NCAM2: variants seen among roughly 807,000 people sequenced by gnomAD.
NCAM2 encodes the protein N-CAM-2.
Under a neutral mutation model 98.1 loss-of-function variants are expected in NCAM2, and 30 were observed. The ratio of observed to expected loss-of-function variants is 0.31; its 90% CI spans 0.23 to 0.41. NCAM2 has a LOEUF of 0.41. NCAM2 is among the 10% of genes least tolerant of loss of function. The pLI is 1.00. For missense variants in NCAM2, 867 were observed against 1,005.8 expected, an observed-to-expected ratio of 0.86 and a Z score of 1.87; for synonymous variants, 368 against 342.4, an observed-to-expected ratio of 1.07 and a Z score of -0.83.
rs5842919 is a variant in NCAM2, at chr21:21,371,865, G to GCA, written c.1045-1972_1045-1971dup. 7.5e-3 allele frequency among the ~76,000 whole-genome samples: 1,106 copies of GCA among 148,448 alleles called. 3 individuals carry two copies. The highest frequency in any genetic ancestry group is 0.011 in the African/African-American group (440 of 40,730). ...TGCTTATTGTAAAATAAATGCGCGT[G>GCA]CACACACACACACACACACACACAC... On this transcript the variant is annotated intron_variant, in intron 8 of 17. Coordinates refer to ENST00000400546, the MANE Select transcript of NCAM2 (RefSeq NM_004540.5).
At chr21:21,264,380 C>A (rs1399422370) in intron 1 of NCAM2, among the ~76,000 whole-genome samples, 1 of 152,014 alleles carries the variant, frequency 6.6e-6, no homozygotes, top group African/African-American at 2.4e-5. Context: ...AAAGGAAACA[C>A]TTATACATCA....
intron 12 of NCAM2, among the ~76,000 whole-genome samples, chr21:21,432,487 G>C (rs1010734968): frequency 6.6e-6 from 1 of 151,088 alleles, no homozygotes; most frequent in African/African-American, 2.4e-5. Context: ...AAAGAGCTTA[G>C]TAGAATCAGC....
At chr21:21,457,038 G>C (rs927190650) in intron 12 of NCAM2, among the ~76,000 whole-genome samples, 4 of 152,184 alleles carry the variant, frequency 2.6e-5, no homozygotes, top group Non-Finnish European at 5.9e-5. Context: ...AAGTAGAGGT[G>C]CTGCTCTAAC....
chr21:21,426,760 C>T (rs1158814648), intron 11 of NCAM2, among the ~76,000 whole-genome samples: 1 of 152,174 alleles, frequency 6.6e-6, no homozygotes, highest in East Asian at 1.9e-4. Flanking sequence ...ACATTCACAC[C>T]CCTCCAGCAT....
intron 1 of NCAM2, among the ~76,000 whole-genome samples, chr21:21,180,441 C>T (rs1367732081): frequency 6.6e-6 from 1 of 152,048 alleles, no homozygotes; most frequent in Non-Finnish European, 1.5e-5. Flanking sequence ...ATTGTTTCCT[C>T]ACTTTGTTAA....
intron 1 of NCAM2, among the ~76,000 whole-genome samples, chr21:21,089,134 A>T (rs1416205635): frequency 6.6e-6 from 1 of 152,086 alleles, no homozygotes. Context: ...CCATACTTCC[A>T]CTGAATACAA....
intron 1 of NCAM2, among the ~76,000 whole-genome samples, chr21:21,142,240 C>G (rs1303149583): frequency 6.6e-6 from 1 of 152,018 alleles, no homozygotes; most frequent in Non-Finnish European, 1.5e-5. Context: ...TAGAGTATAT[C>G]TTGCTGTAAA....
chr21:21,096,987 C>A (rs1248916688), intron 1 of NCAM2, among the ~76,000 whole-genome samples: 1 of 151,724 alleles, frequency 6.6e-6, no homozygotes, highest in Non-Finnish European at 1.5e-5. Context: ...GTTATTTCTT[C>A]CATAACTCCA....
intron 8 of NCAM2, among the ~76,000 whole-genome samples, chr21:21,347,062 A>T (rs963100066): frequency 3.9e-5 from 6 of 152,032 alleles, no homozygotes; most frequent in African/African-American, 1.4e-4. Context: ...TAAAAAATAC[A>T]AAAGGCCAAT....
At chr21:21,109,020 T>C (rs1010588780) in intron 1 of NCAM2, among the ~76,000 whole-genome samples, 1 of 152,266 alleles carries the variant, frequency 6.6e-6, no homozygotes, top group Non-Finnish European at 1.5e-5. Flanking sequence ...CCTTCTGATG[T>C]CTAACTAATT....
chr21:21,210,967 A>AC (rs2069633407), intron 1 of NCAM2, among the ~76,000 whole-genome samples: 1 of 127,336 alleles, frequency 7.9e-6, no homozygotes, highest in South Asian at 2.8e-4. Flanking sequence ...ACTCTCCCCA[A>AC]ACACACACAC....
At chr21:21,434,645 C>T (rs1326157581) in intron 12 of NCAM2, among the ~76,000 whole-genome samples, 1 of 152,052 alleles carries the variant, frequency 6.6e-6, no homozygotes, top group Non-Finnish European at 1.5e-5. Context: ...TTGGCAGACA[C>T]TGTAGATATA....
Position 21,541,813 on chromosome 21 carries a change from C to T in NCAM2, c.*3856C>T, listed in dbSNP as rs1990243618. 1 of 151,474 alleles carries T rather than the reference C, an allele frequency of 6.6e-6. No homozygotes were observed. The highest frequency in any genetic ancestry group is 2.1e-4 in the South Asian group (1 of 4,814). 9.4% of individuals were successfully genotyped at this position (151,474 alleles called of 1,614,324 possible). A position where few individuals can be genotyped will look rare whatever the true frequency, so the allele number is the denominator to read the frequency against. ...ATAAGGTAAACATTCAACTTAAATC[C>T]CCCATGAAGTTTTTTCATGCTCATA... On this transcript the variant is annotated 3_prime_UTR_variant, in exon 18 of 18. Transcript: ENST00000400546.
chr21:21,183,556 G>A (rs1181022903), intron 1 of NCAM2, among the ~76,000 whole-genome samples: 1 of 152,100 alleles, frequency 6.6e-6, no homozygotes, highest in East Asian at 1.9e-4. Context: ...TTTCACTGTC[G>A]TATTCCCCCA....
rs958533573 is a variant in NCAM2 at position 21,410,256 on chromosome 21, T to C, written c.1196-18T>C. On this transcript the variant is annotated intron_variant, in intron 9 of 17. Coordinates refer to ENST00000400546, the MANE Select transcript of NCAM2 (RefSeq NM_004540.5). ...TTAAAGAAAATGCCTATAATTATTT[T>C]ATTATATTGTATTACAGATGCCCCC... The C allele has an allele frequency of 7.7e-7, 1 of 1,303,530 alleles. No individual in the cohort carries two copies. The highest frequency in any genetic ancestry group is 1.5e-5 in the African/African-American group (1 of 65,382). The allele number at this position is 1,303,530 out of a possible 1,614,324, so 80.7% of individuals were successfully genotyped here. A position where few individuals can be genotyped will look rare whatever the true frequency, so the allele number is the denominator to read the frequency against.
intron 10 of NCAM2, among the ~76,000 whole-genome samples, chr21:21,415,065 G>A (rs1323487638): frequency 6.6e-6 from 1 of 151,810 alleles, no homozygotes; most frequent in Non-Finnish European, 1.5e-5. Flanking sequence ...ATAGAACACA[G>A]GCAGAGTCGA....
chr21:21,471,844 C>T (rs555268283), intron 14 of NCAM2, among the ~76,000 whole-genome samples: 1 of 152,092 alleles, frequency 6.6e-6, no homozygotes, highest in African/African-American at 2.4e-5. Flanking sequence ...TTTGTTCACT[C>T]ACCCATTACA....
intron 9 of NCAM2, among the ~76,000 whole-genome samples, chr21:21,409,010 A>ACTTT (rs879794267): frequency 6.6e-6 from 1 of 151,180 alleles, no homozygotes; most frequent in African/African-American, 2.4e-5. Flanking sequence ...TTTAAAAGTT[A>ACTTT]AATGACTTAA....
At chr21:21,122,322 C>G (rs1291221853) in intron 1 of NCAM2, among the ~76,000 whole-genome samples, 2 of 152,144 alleles carry the variant, frequency 1.3e-5, no homozygotes, top group East Asian at 3.9e-4. Context: ...AAAAAGTGTT[C>G]CAGGCACTCC....
Sources: allele counts gnomAD v4.1 joint callset (sites outside exome capture counted in the v4.1 genomes callset), GRCh38; gene constraint gnomAD v4.1.1; transcripts MANE v1.5; gene names NCBI Gene and HGNC (gene_info 2026-07-23, HGNC 2026-07-21).